The following BRD10 variants were observed in gnomAD, a reference collection of about 807,000 sequenced individuals.
BRD10 encodes bromodomain containing 10, also known as uncharacterized bromodomain-containing protein 10.
At chr9:5,959,403 T>C in the BRD10 span, among the ~76,000 whole-genome samples, 1 of 152,156 alleles carries the variant, frequency 6.6e-6, no homozygotes, top group Non-Finnish European at 1.5e-5. Flanking sequence ...CTAAAATCTG[T>C]AATAATGGGG....
At chr9:6,007,331 C>T in the BRD10 span, 2 of 1,613,636 alleles carry the variant, frequency 1.2e-6, no homozygotes, top group Non-Finnish European at 8.5e-7. Flanking sequence ...TCGGTGATGC[C>T]CCCGTACTGG....
At chr9:5,998,388 CATA>C in the BRD10 span, among the ~76,000 whole-genome samples, 1 of 152,076 alleles carries the variant, frequency 6.6e-6, no homozygotes, top group Non-Finnish European at 1.5e-5. Context: ...TTTAGATTTC[CATA>C]ATATGTATAC....
chr9:5,930,003 T>C, the BRD10 span, among the ~76,000 whole-genome samples: 1 of 152,038 alleles, frequency 6.6e-6, no homozygotes, highest in African/African-American at 2.4e-5. Context: ...CTCTAGAAGA[T>C]ACACCTCACC....
the BRD10 span, among the ~76,000 whole-genome samples, chr9:5,930,369 T>TTATATATATATATA: frequency 2.2e-5 from 3 of 135,530 alleles, no homozygotes; most frequent in East Asian, 2.1e-4. Flanking sequence ...TATAAGGAGA[T>TTATATATATATATA]TATATATATA....
chr9:5,898,435 C>T, the BRD10 span, among the ~76,000 whole-genome samples: 1 of 152,168 alleles, frequency 6.6e-6, no homozygotes, highest in African/African-American at 2.4e-5. Context: ...GGACAGAGCC[C>T]TTGTAACTTA....
chr9:5,914,140 T>C, the BRD10 span: 2 of 422,660 alleles, frequency 4.7e-6, no homozygotes, highest in Non-Finnish European at 9.4e-6. Flanking sequence ...CCCAAGTGGT[T>C]CCTGCTGTTC....
the BRD10 span, chr9:5,954,119 C>A: frequency 7.6e-7 from 1 of 1,311,694 alleles, no homozygotes. Context: ...AAGAGAAAAC[C>A]TTCATAATGC....
chr9:5,923,737 G>C, the BRD10 span, among the ~76,000 whole-genome samples: 1 of 152,218 alleles, frequency 6.6e-6, no homozygotes, highest in East Asian at 1.9e-4. Context: ...TCTATTTCTA[G>C]AGACTCTAAA....
At chr9:5,923,234 T>C in the BRD10 span, 1 of 1,613,892 alleles carries the variant, frequency 6.2e-7, no homozygotes, top group Admixed American at 1.7e-5. Flanking sequence ...CTTCGGTAAG[T>C]CTTTTGAAGG....
chr9:5,984,416 T>C, the BRD10 span, among the ~76,000 whole-genome samples: 1 of 152,020 alleles, frequency 6.6e-6, no homozygotes, highest in Non-Finnish European at 1.5e-5. Flanking sequence ...ATCCTGTAAA[T>C]CCTACAGAAA....
the BRD10 span, among the ~76,000 whole-genome samples, chr9:5,988,174 G>T: frequency 6.6e-6 from 1 of 152,020 alleles, no homozygotes; most frequent in African/African-American, 2.4e-5. Flanking sequence ...AAGATAAGTG[G>T]TTTTAAATTT....
chr9:5,948,154 C>A, the BRD10 span, among the ~76,000 whole-genome samples: 1 of 152,118 alleles, frequency 6.6e-6, no homozygotes, highest in East Asian at 1.9e-4. Flanking sequence ...CTGAAAGGGA[C>A]TAAAAATGTG....
At chr9:5,892,151 A>G in the BRD10 span, among the ~76,000 whole-genome samples, 4 of 152,262 alleles carry the variant, frequency 2.6e-5, no homozygotes, top group African/African-American at 9.6e-5. Flanking sequence ...AATTGAAGGC[A>G]AATGAGGAAT....
chr9:5,982,170 T>G, the BRD10 span, among the ~76,000 whole-genome samples: 7 of 152,308 alleles, frequency 4.6e-5, no homozygotes, highest in South Asian at 1.2e-3. Flanking sequence ...TAAAAATGCA[T>G]GGAAATGACC....
the BRD10 span, among the ~76,000 whole-genome samples, chr9:5,923,903 T>C: frequency 3.3e-5 from 5 of 152,190 alleles, no homozygotes; most frequent in Admixed American, 1.3e-4. Context: ...GTTGCCCATA[T>C]TAACCTCTAC....
chr9:5,919,902 T>G, the BRD10 span: 1 of 1,613,948 alleles, frequency 6.2e-7, no homozygotes, highest in Non-Finnish European at 8.5e-7. Flanking sequence ...GAAGTGCTAC[T>G]TGGCAGTGGA....
the BRD10 span, among the ~76,000 whole-genome samples, chr9:5,954,392 T>C: frequency 6.6e-6 from 1 of 152,346 alleles, no homozygotes; most frequent in African/African-American, 2.4e-5. Context: ...GTCACATTAC[T>C]ACTGCTTAAT....
the BRD10 span, chr9:5,968,695 C>G: frequency 6.2e-7 from 1 of 1,613,736 alleles, no homozygotes; most frequent in Admixed American, 1.7e-5. Flanking sequence ...AGTCACACTT[C>G]AATTTCTCCA....
At chr9:5,885,880 C>G in the BRD10 span, among the ~76,000 whole-genome samples, 1 of 152,170 alleles carries the variant, frequency 6.6e-6, no homozygotes, top group Non-Finnish European at 1.5e-5. Flanking sequence ...TCTCTGCCTT[C>G]TGAAGAGCCA....
Sources: allele counts gnomAD v4.1 joint callset (sites outside exome capture counted in the v4.1 genomes callset), GRCh38; gene constraint gnomAD v4.1.1; transcripts MANE v1.5; gene names NCBI Gene and HGNC (gene_info 2026-07-23, HGNC 2026-07-21).